CDH4: variants seen among roughly 807,000 people sequenced by gnomAD.
CDH4 encodes the protein cadherin 4.
In CDH4, 33 loss-of-function variants were observed where a neutral mutation model predicts 86.0. The ratio of observed to expected loss-of-function variants is 0.38; its 90% CI spans 0.29 to 0.51. The LOEUF (loss-of-function observed/expected upper bound fraction) is 0.51, where lower values mean the gene tolerates loss of function less well. CDH4 is among the 20% of genes least tolerant of loss of function. The pLI, the probability that CDH4 is intolerant of heterozygous loss-of-function variation, is 0.86. For missense variants in CDH4, 1,114 were observed against 1,307.4 expected (o/e 0.85, Z 2.28); for synonymous variants, 555 against 549.4 (o/e 1.01, Z -0.14).
chr20:61,281,629 G>A (rs2084259554), intron 2 of CDH4, among the ~76,000 whole-genome samples: 1 of 152,234 alleles, frequency 6.6e-6, no homozygotes, highest in Non-Finnish European at 1.5e-5. Flanking sequence ...GCCCAAGGGA[G>A]AAGTCAGGCA....
At position 61,743,618 on chromosome 20, in the gene CDH4, G is replaced by C; in HGVS notation, c.225G>C (p.Met75Ile). The C allele has an allele frequency of 6.3e-7, 1 of 1,586,964 alleles. No individual in the cohort carries two copies. Among genetic ancestry groups the C allele is most frequent in the South Asian group, 1.1e-5 (1 of 87,004 alleles). The change falls in exon 3 of 16, where the codon ATG (methionine) becomes ATC (isoleucine). Residue 75 changes from methionine (M) to isoleucine (I), a missense_variant. This residue lies in a region of CDH4 where 221 missense variants were observed against 209.5 expected (regional missense o/e 1.05). Coordinates refer to ENST00000614565, the MANE Select transcript of CDH4 (RefSeq NM_001794.5). ...GGACACAATATGAGACCAACAGCATGGACTTCAAAGTTGGGGCAGATGGGA... is the reference window on the plus strand; with the variant it reads ...GGACACAATATGAGACCAACAGCATCGACTTCAAAGTTGGGGCAGATGGGA... Reference protein sequence around the residue: ...TKGTQYETNSMDFKVGADGTV... With the variant: ...TKGTQYETNSIDFKVGADGTV...
intron 2 of CDH4, among the ~76,000 whole-genome samples, chr20:61,487,685 C>T (rs1293616871): frequency 6.6e-6 from 1 of 152,172 alleles, no homozygotes; most frequent in Non-Finnish European, 1.5e-5. Context: ...GTACTAGACC[C>T]TCAATTTTCC....
At chr20:61,868,579 C>T (rs1234842930) in intron 6 of CDH4, among the ~76,000 whole-genome samples, 1 of 152,210 alleles carries the variant, frequency 6.6e-6, no homozygotes, top group Non-Finnish European at 1.5e-5. Context: ...GCAAACCAGG[C>T]GATTATACCT....
intron 2 of CDH4, among the ~76,000 whole-genome samples, chr20:61,385,502 C>G (rs138754251): frequency 1.3e-5 from 2 of 152,148 alleles, no homozygotes; most frequent in Non-Finnish European, 2.9e-5. Context: ...TGAACGCTTC[C>G]TGTCTGTTCA....
At chr20:61,818,988 T>A (rs1166294322) in intron 4 of CDH4, among the ~76,000 whole-genome samples, 1 of 152,244 alleles carries the variant, frequency 6.6e-6, no homozygotes, top group Non-Finnish European at 1.5e-5. Context: ...CCCTTGGAAC[T>A]GTCGGGAGAC....
intron 2 of CDH4, among the ~76,000 whole-genome samples, chr20:61,529,410 A>G (rs1182056777): frequency 1.3e-5 from 2 of 152,234 alleles, no homozygotes; most frequent in East Asian, 3.8e-4. Context: ...TAAAATCTGG[A>G]CCAAAGATGA....
chr20:61,852,442 C>T (rs973258689), intron 5 of CDH4, among the ~76,000 whole-genome samples: 7 of 152,352 alleles, frequency 4.6e-5, no homozygotes, highest in East Asian at 3.9e-4. Context: ...TCAGAACAGT[C>T]GGTGGCTCAC....
intron 2 of CDH4, among the ~76,000 whole-genome samples, chr20:61,338,079 GGAGAGATCA>G (rs2084629235): frequency 2.0e-5 from 3 of 152,144 alleles, no homozygotes; most frequent in Non-Finnish European, 4.4e-5. Context: ...CCAGTAATAA[GGAGAGATCA>G]GAGTCATTGA....
chr20:61,489,005 C>G (rs193116846), intron 2 of CDH4, among the ~76,000 whole-genome samples: 2 of 152,174 alleles, frequency 1.3e-5, no homozygotes, highest in Non-Finnish European at 2.9e-5. Context: ...TTACTTTACA[C>G]TTCAATGCGT....
In CDH4 at chr20:61,928,197, C is replaced by A. The variant is rs368538367; in HGVS notation, c.1779C>A (p.Pro593=). 2.5e-6 allele frequency: 4 copies of A among 1,600,236 alleles called. No individual in the cohort carries two copies. The African/African-American group carries it at 4.0e-5, about 16-fold the overall frequency. ...ATFLAADNGI[P]PASGTGTLQI... Reference sequence around the variant, plus strand: ...CCTGTGTCTGTTCCACAGGGATACCCCCGGCCAGCGGCACCGGGACCCTCC... The same window carrying A: ...CCTGTGTCTGTTCCACAGGGATACCACCGGCCAGCGGCACCGGGACCCTCC... The change falls in exon 12 of 16, where the codon CCC becomes CCA. Residue 593 remains proline, a synonymous_variant. Coordinates refer to ENST00000614565, the MANE Select transcript of CDH4 (RefSeq NM_001794.5).
chr20:61,430,627 AAAGGAAG>A (rs897171281), intron 2 of CDH4, among the ~76,000 whole-genome samples: 1 of 152,160 alleles, frequency 6.6e-6, no homozygotes, highest in African/African-American at 2.4e-5. Context: ...TAGAGGAGGT[AAAGGAAG>A]GAAACAATCC....
At chr20:61,391,040 A>T (rs1430136668) in intron 2 of CDH4, among the ~76,000 whole-genome samples, 1 of 152,222 alleles carries the variant, frequency 6.6e-6, no homozygotes, top group Non-Finnish European at 1.5e-5. Flanking sequence ...AGTGGGGGGT[A>T]GCCTGACCAC....
chr20:61,874,978 G>T (rs1376363347), intron 7 of CDH4, among the ~76,000 whole-genome samples: 1 of 152,336 alleles, frequency 6.6e-6, no homozygotes, highest in Non-Finnish European at 1.5e-5. Context: ...GTGCGTCACG[G>T]CCCTCGAGCT....
rs1013284648 is a variant in CDH4 at position 61,693,895 on chromosome 20, T to C, written c.170-49668T>C. Among the ~76,000 whole-genome samples the C allele has an allele frequency of 1.8e-4, 26 of 141,554 alleles. No homozygotes were observed. The South Asian group carries it at 6.1e-3, about 33-fold the overall frequency. The allele number at this position is 141,554 out of a possible 152,430, so 92.9% of individuals were successfully genotyped here. A position where few individuals can be genotyped will look rare whatever the true frequency, so the allele number is the denominator to read the frequency against. ...GACACTCTTTCTTTCTTTTTTTTTT[T>C]TTTTTTTTTTTTTTTGAGACAGAGT... On this transcript the variant is annotated intron_variant, in intron 2 of 15. Transcript: ENST00000614565.
chr20:61,883,658 G>C (rs995104953), intron 7 of CDH4, among the ~76,000 whole-genome samples: 4 of 152,214 alleles, frequency 2.6e-5, no homozygotes, highest in Admixed American at 2.6e-4. Flanking sequence ...ACAGTCGGGT[G>C]TGACTGCCCG....
intron 2 of CDH4, among the ~76,000 whole-genome samples, chr20:61,436,135 G>C (rs73318343): frequency 1.3e-5 from 2 of 152,034 alleles, no homozygotes; most frequent in African/African-American, 4.8e-5. Context: ...TGCCCTCCTC[G>C]ACTAGGTCAG....
chr20:61,793,822 G>C lies in CDH4; in HGVS notation c.576+20640G>C, dbSNP rs185333976. Among the ~76,000 whole-genome samples the C allele has an allele frequency of 5.9e-3, 782 of 132,724 alleles. 8 individuals are homozygous for C. Among genetic ancestry groups the C allele is most frequent in the African/African-American group, 0.02 (710 of 35,100 alleles). 87.1% of individuals were successfully genotyped at this position (132,724 alleles called of 152,430 possible). On this transcript the variant is annotated intron_variant, in intron 4 of 15. Coordinates refer to ENST00000614565, the MANE Select transcript of CDH4 (RefSeq NM_001794.5). ...CCACTGCACTCCAGCTTGGGCGACA[G>C]AGTGAGACTGCATTTAAAAAAAAAA...
chr20:61,262,042 C>T (rs551153745), intron 2 of CDH4, among the ~76,000 whole-genome samples: 2 of 152,284 alleles, frequency 1.3e-5, no homozygotes, highest in South Asian at 2.1e-4. Flanking sequence ...GAGAAGAGTC[C>T]GGCTGGTCCT....
At chr20:61,785,795 C>A (rs1978850832) in intron 4 of CDH4, among the ~76,000 whole-genome samples, 1 of 152,172 alleles carries the variant, frequency 6.6e-6, no homozygotes, top group Non-Finnish European at 1.5e-5. Context: ...AGCCACTTAG[C>A]CACTTTCTTA....
Sources: gnomAD v4.1 joint callset for allele counts (sites outside exome capture counted in the v4.1 genomes callset) on GRCh38, gnomAD v4.1.1 for gene constraint, gnomAD v4.1.1 regional missense constraint, MANE v1.5 for transcripts, NCBI Gene and HGNC (gene_info 2026-07-23, HGNC 2026-07-21) for gene names.